Variants in ULK4 observed in about 807,000 individuals in gnomAD.
The protein encoded by ULK4 is unc-51 like kinase 4.
Under a neutral mutation model 160.6 loss-of-function variants are expected in ULK4, and 133 were observed. The ratio of observed to expected loss-of-function variants is 0.83; its 90% CI spans 0.72 to 0.96. The LOEUF is 0.96. Among genes scored for constraint, ULK4 ranks in the 40% least tolerant of loss-of-function variants. The pLI is 0.00. For missense variants in ULK4, 1,580 were observed against 1,499.5 expected (o/e 1.05, Z -0.89); for synonymous variants, 534 against 539.8 (o/e 0.99, Z 0.15).
chr3:41,373,493 G>C (rs181583106), intron 35 of ULK4, among the ~76,000 whole-genome samples: 10 of 152,062 alleles, frequency 6.6e-5, no homozygotes, highest in Admixed American at 1.3e-4. Flanking sequence ...CACTCAAAAC[G>C]GCACAACTAC....
intron 30 of ULK4, among the ~76,000 whole-genome samples, chr3:41,627,764 T>C (rs1214239012): frequency 6.6e-6 from 1 of 152,174 alleles, no homozygotes; most frequent in Non-Finnish European, 1.5e-5. Context: ...TATGCATGTA[T>C]GCACAGGATG....
intron 35 of ULK4, among the ~76,000 whole-genome samples, chr3:41,249,844 G>C (rs1204764599): frequency 6.6e-6 from 1 of 152,202 alleles, no homozygotes; most frequent in African/African-American, 2.4e-5. Flanking sequence ...AGGGCAGGGA[G>C]CCTCCTGCGG....
At chr3:41,595,477 C>G (rs2031630502) in intron 31 of ULK4, among the ~76,000 whole-genome samples, 1 of 152,172 alleles carries the variant, frequency 6.6e-6, no homozygotes, top group Non-Finnish European at 1.5e-5. Context: ...AAGCTATCAG[C>G]ATAGATGGAT....
intron 22 of ULK4, among the ~76,000 whole-genome samples, chr3:41,751,112 G>C (rs2038613614): frequency 6.6e-6 from 1 of 151,200 alleles, no homozygotes; most frequent in Non-Finnish European, 1.5e-5. Flanking sequence ...AAATGGGCTG[G>C]GACAAATCTC....
At chr3:41,737,942 T>C (rs1374164939) in intron 22 of ULK4, among the ~76,000 whole-genome samples, 13 of 152,000 alleles carry the variant, frequency 8.6e-5, no homozygotes, top group Non-Finnish European at 1.5e-5. Context: ...ATACTTTGGC[T>C]ATCTGATCTG....
intron 35 of ULK4, among the ~76,000 whole-genome samples, chr3:41,385,338 G>T (rs2081781315): frequency 6.6e-6 from 1 of 152,092 alleles, no homozygotes; most frequent in Non-Finnish European, 1.5e-5. Context: ...AAGAGCAGAA[G>T]ATGCTGTAGA....
At chr3:41,392,034 G>C (rs943848451) in intron 35 of ULK4, among the ~76,000 whole-genome samples, 2 of 152,044 alleles carry the variant, frequency 1.3e-5, no homozygotes, top group African/African-American at 4.8e-5. Context: ...ATCTGTGGTG[G>C]TTCATGTGTA....
intron 32 of ULK4, among the ~76,000 whole-genome samples, chr3:41,547,346 G>C (rs1196514435): frequency 6.6e-6 from 1 of 151,890 alleles, no homozygotes; most frequent in Non-Finnish European, 1.5e-5. Flanking sequence ...CTAAGAGAGA[G>C]CACTAGAATT....
intron 35 of ULK4, among the ~76,000 whole-genome samples, chr3:41,349,753 C>T (rs1431608314): frequency 6.6e-6 from 1 of 152,156 alleles, no homozygotes; most frequent in Admixed American, 6.5e-5. Context: ...TCTGGCCACA[C>T]ACATACGGCA....
chr3:41,378,470 A>G (rs546821475), intron 35 of ULK4, among the ~76,000 whole-genome samples: 1 of 152,214 alleles, frequency 6.6e-6, no homozygotes, highest in East Asian at 1.9e-4. Flanking sequence ...GGATGAGTTC[A>G]TGTCCTTTGT....
At chr3:41,869,217 T>C (rs1697006389) in intron 17 of ULK4, 2 of 152,286 alleles carry the variant, frequency 1.3e-5, no homozygotes, top group South Asian at 4.1e-4. Context: ...GAAGTAACCC[T>C]GAATCAACAT....
intron 21 of ULK4, among the ~76,000 whole-genome samples, chr3:41,764,208 T>C (rs758211026): frequency 1.3e-5 from 2 of 152,230 alleles, no homozygotes; most frequent in Non-Finnish European, 2.9e-5. Flanking sequence ...AAAATGTTTA[T>C]GTATATTTAA....
rs1698796916 is a variant in ULK4 at position 41,911,814 on chromosome 3, GC to G, written c.897-156del. On this transcript the variant is annotated intron_variant, in intron 9 of 36. Coordinates refer to ENST00000301831, the MANE Select transcript of ULK4 (RefSeq NM_017886.4). ...ACTTTATGCCTCCCTCATCCACATA[GC>G]CATCAAAGACCGGCAGGAAAGCTAC... 2.6e-5 allele frequency among the ~76,000 whole-genome samples: 4 copies of G among 152,154 alleles called. No individual in the cohort carries two copies. The South Asian group carries it at 8.3e-4, about 32-fold the overall frequency.
chr3:41,621,773 T>C (rs1353208684), intron 30 of ULK4, among the ~76,000 whole-genome samples: 1 of 151,982 alleles, frequency 6.6e-6, no homozygotes, highest in African/African-American at 2.4e-5. Flanking sequence ...TGGGATCTAA[T>C]CAAACTAAAG....
intron 34 of ULK4, among the ~76,000 whole-genome samples, chr3:41,448,422 T>C (rs571601256): frequency 2.2e-4 from 33 of 152,222 alleles, no homozygotes; most frequent in Admixed American, 5.2e-4. Context: ...GCACAGAACA[T>C]AGAATATGAC....
At chr3:41,489,952 A>C (rs2084688536) in intron 32 of ULK4, among the ~76,000 whole-genome samples, 1 of 152,112 alleles carries the variant, frequency 6.6e-6, no homozygotes, top group Non-Finnish European at 1.5e-5. Flanking sequence ...GGACTCCCAA[A>C]CTGACATCTT....
At chr3:41,276,422 C>A (rs190460908) in intron 35 of ULK4, among the ~76,000 whole-genome samples, 19 of 152,294 alleles carry the variant, frequency 1.2e-4, no homozygotes, top group African/African-American at 4.1e-4. Flanking sequence ...ATTCCTTGGA[C>A]CATCCAGGGG....
rs140022308 is a variant in ULK4, at chr3:41,711,038, AG to A, written c.2634+4198del. On this transcript the variant is annotated intron_variant, in intron 25 of 36. Coordinates refer to ENST00000301831, the MANE Select transcript of ULK4 (RefSeq NM_017886.4). ...AGGTCAAGTGTTTGACCATGGGAGCAGGCAGCTGATGGGAAGACAGACAAGC... is the reference window on the plus strand; with the variant it reads ...AGGTCAAGTGTTTGACCATGGGAGCAGCAGCTGATGGGAAGACAGACAAGC... Among the ~76,000 whole-genome samples, 1,052 of 152,312 alleles carry A rather than the reference AG, an allele frequency of 6.9e-3. 13 individuals carry two copies. The highest frequency in any genetic ancestry group is 0.024 in the African/African-American group (978 of 41,566).
chr3:41,255,720 T>C (rs908853545), intron 35 of ULK4, among the ~76,000 whole-genome samples: 2 of 142,242 alleles, frequency 1.4e-5, no homozygotes, highest in African/African-American at 4.9e-5. Context: ...TCAAAATATA[T>C]AAAACAAACA....
Sources: gnomAD v4.1 joint callset for allele counts (sites outside exome capture counted in the v4.1 genomes callset) on GRCh38, gnomAD v4.1.1 for gene constraint, MANE v1.5 for transcripts, NCBI Gene and HGNC (gene_info 2026-07-23, HGNC 2026-07-21) for gene names.